MGAT4C: variants seen among roughly 807,000 people sequenced by gnomAD.
MGAT4C encodes MGAT4 family member C, also known as alpha-1,3-mannosyl-glycoprotein 4-beta-N-acetylglucosaminyltransferase C.
A neutral mutation model predicts 40.1 loss-of-function variants in MGAT4C; 19 were observed. That is an observed-to-expected ratio of 0.47 (90% CI 0.33 to 0.70). The LOEUF (loss-of-function observed/expected upper bound fraction) is 0.70. Among genes scored for constraint, MGAT4C ranks in the 30% least tolerant of loss-of-function variants. The pLI, the probability that MGAT4C is intolerant of heterozygous loss-of-function variation, is 0.02. For missense variants in MGAT4C, 491 were observed against 563.2 expected, an observed-to-expected ratio of 0.87 and a Z score of 1.30; for synonymous variants, 181 against 187.1, an observed-to-expected ratio of 0.97 and a Z score of 0.27.
chr12:86,704,537 A>C (rs2136620589), intron 2 of MGAT4C, among the ~76,000 whole-genome samples: 1 of 152,294 alleles, frequency 6.6e-6, no homozygotes, highest in Admixed American at 6.5e-5. Context: ...TCACTGTATT[A>C]ATAAATATCT....
intron 1 of MGAT4C, among the ~76,000 whole-genome samples, chr12:86,795,593 C>A (rs1321233480): frequency 2.0e-5 from 3 of 150,162 alleles, no homozygotes; most frequent in African/African-American, 7.4e-5. Context: ...ACATGAGAGA[C>A]AGAGAAAGGA....
At chr12:86,696,315 C>T (rs1459127155) in intron 2 of MGAT4C, among the ~76,000 whole-genome samples, 1 of 151,962 alleles carries the variant, frequency 6.6e-6, no homozygotes, top group Non-Finnish European at 1.5e-5. Flanking sequence ...ACATTGCATG[C>T]CTGTATCAAA....
At chr12:86,826,583 C>T (rs1299497026) in intron 1 of MGAT4C, among the ~76,000 whole-genome samples, 1 of 151,346 alleles carries the variant, frequency 6.6e-6, no homozygotes, top group African/African-American at 2.4e-5. Context: ...TCTTTTTACC[C>T]AAAACAGTTC....
intron 3 of MGAT4C, among the ~76,000 whole-genome samples, chr12:86,412,321 G>A (rs550641384): frequency 6.6e-6 from 1 of 152,336 alleles, no homozygotes; most frequent in South Asian, 2.1e-4. Context: ...GGCACTCAAT[G>A]TTAGCCCTTG....
chr12:86,096,848 A>C (rs1389858968), intron 1 of MGAT4C, among the ~76,000 whole-genome samples: 1 of 151,580 alleles, frequency 6.6e-6, no homozygotes, highest in Admixed American at 6.6e-5. Context: ...AATCCCATAT[A>C]ATATATTTGT....
At chr12:86,477,770 G>A (rs1025592157) in intron 2 of MGAT4C, among the ~76,000 whole-genome samples, 4 of 151,694 alleles carry the variant, frequency 2.6e-5, no homozygotes, top group African/African-American at 7.3e-5. Context: ...AACAGGCCCC[G>A]GTGTGTGATG....
chr12:86,293,892 T>G (rs1953592040), intron 4 of MGAT4C, among the ~76,000 whole-genome samples: 1 of 152,164 alleles, frequency 6.6e-6, no homozygotes, highest in Admixed American at 6.5e-5. Flanking sequence ...TAAAGGTTTC[T>G]TGAAGCCTCC....
At chr12:86,032,002 T>G (rs892014267) in intron 2 of MGAT4C, among the ~76,000 whole-genome samples, 1 of 151,968 alleles carries the variant, frequency 6.6e-6, no homozygotes, top group Non-Finnish European at 1.5e-5. Context: ...CACTTACAAG[T>G]GAGAACAGGT....
chr12:86,388,693 T>C (rs1464019338), intron 3 of MGAT4C, among the ~76,000 whole-genome samples: 2 of 148,640 alleles, frequency 1.3e-5, no homozygotes, highest in African/African-American at 5.0e-5. Flanking sequence ...TTTTTTTTTT[T>C]TTTTTTAGAC....
chr12:86,564,549 C>T lies in MGAT4C; in HGVS notation c.-228-129284G>A, dbSNP rs184481287. Among the ~76,000 whole-genome samples, 136 of 152,320 alleles carry T rather than the reference C, an allele frequency of 8.9e-4. 1 individual carries two copies. Among genetic ancestry groups the T allele is most frequent in the African/African-American group, 3.1e-3 (130 of 41,582 alleles). ...AAACACACTGGACTTATTGGTGATA[C>T]ATTTGCATGCAATGGGATGGAAAAT... is the stretch of plus-strand genomic sequence containing the variant. On this transcript the variant is annotated intron_variant, in intron 2 of 7. Transcript: ENST00000548651.
chr12:86,781,137 T>A (rs886421850), intron 1 of MGAT4C, among the ~76,000 whole-genome samples: 6 of 152,106 alleles, frequency 3.9e-5, no homozygotes, highest in African/African-American at 1.4e-4. Flanking sequence ...AAGATTTTTT[T>A]TATATATAAT....
At position 85,997,463 on chromosome 12, in the gene MGAT4C, C is replaced by G. The variant is rs961987546; in HGVS notation, c.-6-7911G>C. ...GTTTCAGCATTAACTCAAAAGTCCA[C>G]AGTCCAAAGTCTCATCCGAGACAAG... On this transcript the variant is annotated intron_variant, in intron 2 of 4. Coordinates refer to ENST00000611864, the MANE Select transcript of MGAT4C (RefSeq NM_001351288.2). 2.0e-5 allele frequency among the ~76,000 whole-genome samples: 3 copies of G among 152,158 alleles called. No homozygotes were observed. In the East Asian group the frequency reaches 5.8e-4, roughly 29 times the overall value.
At chr12:86,687,293 G>T (rs1950091257) in intron 2 of MGAT4C, among the ~76,000 whole-genome samples, 1 of 151,684 alleles carries the variant, frequency 6.6e-6, no homozygotes, top group Non-Finnish European at 1.5e-5. Context: ...ACCAGCTCCT[G>T]GATTCATTGA....
chr12:86,009,818 A>T (rs990743563), intron 2 of MGAT4C, among the ~76,000 whole-genome samples: 1 of 152,074 alleles, frequency 6.6e-6, no homozygotes. Flanking sequence ...CTTGCTTTCT[A>T]TCTTACTGCT....
chr12:86,288,388 T>G (rs1022190271), intron 4 of MGAT4C, among the ~76,000 whole-genome samples: 1 of 152,232 alleles, frequency 6.6e-6, no homozygotes. Context: ...TTGTTGCCAT[T>G]ACTTTTGGTG....
intron 2 of MGAT4C, among the ~76,000 whole-genome samples, chr12:86,611,496 A>AGATAGATAGAT (rs1285297878): frequency 1.6e-4 from 25 of 151,954 alleles, no homozygotes; most frequent in Admixed American, 6.6e-4. Flanking sequence ...ATAGATAGAT[A>AGATAGATAGAT]GATACATGTT....
At chr12:86,432,177 A>C (rs758658145) in intron 3 of MGAT4C, among the ~76,000 whole-genome samples, 25 of 152,186 alleles carry the variant, frequency 1.6e-4, no homozygotes, top group Non-Finnish European at 3.1e-4. Context: ...GAGTGGACTT[A>C]GCAACAAGAA....
intron 1 of MGAT4C, among the ~76,000 whole-genome samples, chr12:86,241,831 G>T (rs148260207): frequency 2.5e-4 from 38 of 152,232 alleles, no homozygotes; most frequent in African/African-American, 8.7e-4. Flanking sequence ...GTCTGACAAT[G>T]CTGACAAGCC....
At chr12:86,639,197 C>G (rs1963308622) in intron 2 of MGAT4C, among the ~76,000 whole-genome samples, 1 of 151,530 alleles carries the variant, frequency 6.6e-6, no homozygotes, top group Admixed American at 6.6e-5. Context: ...ATTTTTGTTT[C>G]TTGTAAAAAT....
Sources: gnomAD v4.1 joint callset for allele counts (sites outside exome capture counted in the v4.1 genomes callset) on GRCh38, gnomAD v4.1.1 for gene constraint, MANE v1.5 for transcripts, NCBI Gene and HGNC (gene_info 2026-07-23, HGNC 2026-07-21) for gene names.